The following SDC2 variants were observed in gnomAD, a reference collection of about 807,000 sequenced individuals.
The protein encoded by SDC2 is syndecan-2.
A neutral mutation model predicts 22.2 loss-of-function variants in SDC2; 13 were observed. The ratio of observed to expected loss-of-function variants is 0.59; its 90% confidence interval spans 0.38 to 0.93. The LOEUF (loss-of-function observed/expected upper bound fraction) is 0.93, where lower values mean the gene tolerates loss of function less well. SDC2 is among the 40% of genes least tolerant of loss of function. The pLI is 0.00. For missense variants in SDC2, 235 were observed against 246.8 expected (o/e 0.95, Z 0.32); for synonymous variants, 94 against 92.8 (o/e 1.01, Z -0.07).
intron 1 of SDC2, among the ~76,000 whole-genome samples, chr8:96,558,147 T>G (rs1453331298): frequency 6.6e-6 from 1 of 152,124 alleles, no homozygotes; most frequent in Non-Finnish European, 1.5e-5. Flanking sequence ...GTGTGTCATT[T>G]AGAAATGTTT....
At chr8:96,508,642 C>G (rs1244166049) in intron 1 of SDC2, among the ~76,000 whole-genome samples, 1 of 141,650 alleles carries the variant, frequency 7.1e-6, no homozygotes, top group African/African-American at 2.5e-5. Context: ...TTACCATTAC[C>G]ACAGCCTTCT....
chr8:96,564,217 G>A (rs941152888), intron 1 of SDC2, among the ~76,000 whole-genome samples: 2 of 152,184 alleles, frequency 1.3e-5, no homozygotes, highest in African/African-American at 4.8e-5. Flanking sequence ...CTCATTCACA[G>A]TGTAATTGTC....
Position 96,574,848 on chromosome 8 carries a change from A to G in SDC2, c.61-18632A>G, listed in dbSNP as rs527410855. ...ACCAGTGGTCCCCAACCTGCTTGGC[A>G]CTAGGGACTGGCTTTGTGAAAGACA... On this transcript the variant is annotated intron_variant, in intron 1 of 4. Transcript: ENST00000302190. Among the ~76,000 whole-genome samples, 3 of 152,316 alleles carry G rather than the reference A, an allele frequency of 2.0e-5. No homozygotes were observed. In the South Asian group the frequency reaches 6.2e-4, roughly 32 times the overall value.
intron 1 of SDC2, among the ~76,000 whole-genome samples, chr8:96,542,214 T>C (rs925015420): frequency 3.9e-5 from 6 of 152,240 alleles, no homozygotes; most frequent in African/African-American, 1.4e-4. Context: ...CTGGTTTGTC[T>C]TCTGCTCTTT....
At chr8:96,546,904 C>T (rs1000325166) in intron 1 of SDC2, among the ~76,000 whole-genome samples, 2 of 152,204 alleles carry the variant, frequency 1.3e-5, no homozygotes, top group African/African-American at 4.8e-5. Flanking sequence ...GCTAAACAAG[C>T]CTTTTGTCTG....
intron 1 of SDC2, among the ~76,000 whole-genome samples, chr8:96,538,489 GTT>G (rs569014809): frequency 0.048 from 7,331 of 151,646 alleles, 604 homozygotes; most frequent in African/African-American, 0.16. Flanking sequence ...AAAGTCCAAT[GTT>G]AAGTCTTTCT....
At chr8:96,593,424 A>G (rs1814818489) in intron 1 of SDC2, 56 bp from the exon 2 acceptor site, 1 of 1,156,314 alleles carries the variant, frequency 8.6e-7, no homozygotes, top group Non-Finnish European at 1.3e-6. Flanking sequence ...AATCAGATAT[A>G]CAAGTGTGTT....
At chr8:96,521,169 A>G (rs966657586) in intron 1 of SDC2, among the ~76,000 whole-genome samples, 2 of 152,196 alleles carry the variant, frequency 1.3e-5, no homozygotes, top group Non-Finnish European at 2.9e-5. Context: ...CGTATAAATA[A>G]TATGTTGTGT....
At chr8:96,535,990 A>G (rs1396310886) in intron 1 of SDC2, among the ~76,000 whole-genome samples, 2 of 152,190 alleles carry the variant, frequency 1.3e-5, no homozygotes, top group Non-Finnish European at 2.9e-5. Flanking sequence ...GGGAAAAACC[A>G]AAAAGAAATG....
At chr8:96,527,180 G>C (rs937926281) in intron 1 of SDC2, among the ~76,000 whole-genome samples, 6 of 152,166 alleles carry the variant, frequency 3.9e-5, no homozygotes, top group Non-Finnish European at 5.9e-5. Flanking sequence ...CTATTGACGT[G>C]GTGGGAAGAG....
chr8:96,574,946 G>C (rs1269866854), intron 1 of SDC2, among the ~76,000 whole-genome samples: 1 of 152,148 alleles, frequency 6.6e-6, no homozygotes, highest in Non-Finnish European at 1.5e-5. Flanking sequence ...TTTATCATTA[G>C]ATTCTCACAA....
intron 1 of SDC2, chr8:96,580,503 C>G (rs1162961227): frequency 1.0e-6 from 1 of 985,246 alleles, no homozygotes; most frequent in Non-Finnish European, 1.2e-6. Flanking sequence ...AGCATCATGA[C>G]TACAGACTCA....
rs1049464935 is a variant in SDC2 at position 96,577,417 on chromosome 8, A to G, written c.61-16063A>G. ...TTGTCTTTTTGATCATGAATAGACTATTTTTTCGGTAGAGTCTTAGATTTA... is the reference window on the plus strand; with the variant it reads ...TTGTCTTTTTGATCATGAATAGACTGTTTTTTCGGTAGAGTCTTAGATTTA... On this transcript the variant is annotated intron_variant, in intron 1 of 4. Coordinates refer to ENST00000302190, the MANE Select transcript of SDC2 (RefSeq NM_002998.4). 1.5e-4 allele frequency among the ~76,000 whole-genome samples: 23 copies of G among 152,252 alleles called. 1 individual carries two copies. Among genetic ancestry groups the G allele is most frequent in the African/African-American group, 3.4e-4 (14 of 41,546 alleles).
intron 1 of SDC2, among the ~76,000 whole-genome samples, chr8:96,562,665 A>G (rs1442892618): frequency 6.6e-6 from 1 of 152,250 alleles, no homozygotes; most frequent in East Asian, 1.9e-4. Flanking sequence ...TACTAGAACC[A>G]GGAATTCCGT....
chr8:96,510,859 CT>C (rs199780164), intron 1 of SDC2, among the ~76,000 whole-genome samples: 1,718 of 152,270 alleles, frequency 0.011, 15 homozygotes, highest in Middle Eastern at 0.02. Context: ...TGTGAATTCT[CT>C]TCGTTCTCCC....
At chr8:96,544,273 C>T (rs1813897445) in intron 1 of SDC2, among the ~76,000 whole-genome samples, 2 of 152,170 alleles carry the variant, frequency 1.3e-5, no homozygotes, top group South Asian at 4.1e-4. Context: ...TATCACCATC[C>T]TACCGGTATA....
intron 1 of SDC2, among the ~76,000 whole-genome samples, chr8:96,497,174 C>T (rs1813089718): frequency 6.6e-6 from 1 of 151,498 alleles, no homozygotes; most frequent in Non-Finnish European, 1.5e-5. Context: ...CATTATCTCT[C>T]GGTGTATTAT....
At chr8:96,593,149 C>T (rs1457213089) in intron 1 of SDC2, among the ~76,000 whole-genome samples, 1 of 152,190 alleles carries the variant, frequency 6.6e-6, no homozygotes, top group Non-Finnish European at 1.5e-5. Flanking sequence ...CCCAAGATGG[C>T]TTATAACTAG....
intron 1 of SDC2, among the ~76,000 whole-genome samples, chr8:96,542,668 C>T (rs931187350): frequency 4.6e-5 from 7 of 151,972 alleles, no homozygotes; most frequent in African/African-American, 1.4e-4. Context: ...AGAAGACAAG[C>T]GTCTTCTCCT....
Sources: gnomAD v4.1 joint callset for allele counts (sites outside exome capture counted in the v4.1 genomes callset) on GRCh38, gnomAD v4.1.1 for gene constraint, MANE v1.5 for transcripts, NCBI Gene and HGNC (gene_info 2026-07-23, HGNC 2026-07-21) for gene names.